AKAP13: variants seen among roughly 807,000 people sequenced by gnomAD.
AKAP13 encodes A-kinase anchor protein 13.
Under a neutral mutation model 264.5 loss-of-function variants are expected in AKAP13, and 80 were observed. The observed-to-expected ratio is 0.30, with a 90% CI of 0.25 to 0.36. The LOEUF (loss-of-function observed/expected upper bound fraction) is 0.36, where lower values mean the gene tolerates loss of function less well. Ranked by LOEUF, AKAP13 falls within the 10% of genes least tolerant of loss-of-function variation. The pLI is 1.00. For synonymous variants in AKAP13, 1,380 were observed against 1,250.2 expected, an observed-to-expected ratio of 1.10 and a Z score of -2.19; for missense variants, 3,712 against 3,435.2, an observed-to-expected ratio of 1.08 and a Z score of -2.01.
At chr15:85,640,641 A>C (rs1450108701) in intron 9 of AKAP13, among the ~76,000 whole-genome samples, 1 of 152,130 alleles carries the variant, frequency 6.6e-6, no homozygotes, top group Non-Finnish European at 1.5e-5. Flanking sequence ...TTTAGCTGAC[A>C]CTTCCCCCAT....
At chr15:85,736,175 T>G in intron 33 of AKAP13, 41 bp downstream of exon 33, 1 of 1,496,716 alleles carries the variant, frequency 6.7e-7, no homozygotes, top group Non-Finnish European at 9.2e-7. Context: ...ATGTGTTTGT[T>G]GTCATTGTCA....
chr15:85,688,979 G>C (rs887500614), intron 16 of AKAP13, among the ~76,000 whole-genome samples: 1 of 152,148 alleles, frequency 6.6e-6, no homozygotes, highest in African/African-American at 2.4e-5. Context: ...GTTCACAAAG[G>C]GAGTGTGGAA....
At chr15:85,461,175 G>A (rs2074496751) in intron 1 of AKAP13, among the ~76,000 whole-genome samples, 1 of 152,042 alleles carries the variant, frequency 6.6e-6, no homozygotes, top group African/African-American at 2.4e-5. Context: ...GAGTGCAGTG[G>A]CATGATCTTG....
chr15:85,597,238 A>G (rs1467844283), intron 8 of AKAP13, among the ~76,000 whole-genome samples: 1 of 152,084 alleles, frequency 6.6e-6, no homozygotes, highest in Non-Finnish European at 1.5e-5. Flanking sequence ...GTGCCCTTTA[A>G]TTTGCAAGAA....
chr15:85,626,920 C>CT (rs1437674817), intron 8 of AKAP13, among the ~76,000 whole-genome samples: 2 of 152,060 alleles, frequency 1.3e-5, no homozygotes, highest in Non-Finnish European at 2.9e-5. Context: ...TATTTTCTAT[C>CT]TTTTTTTGTT....
chr15:85,582,287 A>G (rs755012973), intron 7 of AKAP13, among the ~76,000 whole-genome samples, 180 bp downstream of exon 7: 14 of 152,042 alleles, frequency 9.2e-5, no homozygotes, highest in Non-Finnish European at 2.9e-5. Flanking sequence ...GGTTGGACAG[A>G]TTTTGCTTCC....
At position 85,533,762 on chromosome 15, in the gene AKAP13, C is replaced by G. The variant is rs2077309494; in HGVS notation, c.360C>G (p.Asp120Glu). 1.2e-6 allele frequency: 2 copies of G among 1,614,080 alleles called. No homozygotes were observed. Among genetic ancestry groups the G allele is most frequent in the African/African-American group, 1.3e-5 (1 of 75,034 alleles). Reference sequence around the variant, plus strand: ...CTTTGAACTTTACCCGTTTTCTTGACCAGTCAGGACCCCCATCTGGGGATG... The same window carrying G: ...CTTTGAACTTTACCCGTTTTCTTGAGCAGTCAGGACCCCCATCTGGGGATG... ...QQALNFTRFL[D>E]QSGPPSGDVN... Residue 120 changes from aspartate to glutamate, a missense_variant, in exon 4 of 37, where the codon GAC becomes GAG. Transcript: ENST00000394518.
chr15:85,730,012 G>T (rs573021513), intron 29 of AKAP13, among the ~76,000 whole-genome samples: 1 of 152,106 alleles, frequency 6.6e-6, no homozygotes, highest in Non-Finnish European at 1.5e-5. Context: ...CAGGAGCCCA[G>T]ATAAGAGATT....
At chr15:85,383,659 C>A (rs2070405572) in intron 1 of AKAP13, among the ~76,000 whole-genome samples, 1 of 152,238 alleles carries the variant, frequency 6.6e-6, no homozygotes, top group African/African-American at 2.4e-5. Flanking sequence ...AGTTTATCTT[C>A]TCAGTCACCT....
intron 3 of AKAP13, among the ~76,000 whole-genome samples, chr15:85,524,372 C>A (rs2076942821): frequency 6.6e-6 from 1 of 152,042 alleles, no homozygotes; most frequent in Non-Finnish European, 1.5e-5. Flanking sequence ...GATGGGGTTT[C>A]ACCATGTTGG....
At chr15:85,621,075 C>T (rs1469205678) in intron 8 of AKAP13, among the ~76,000 whole-genome samples, 1 of 152,150 alleles carries the variant, frequency 6.6e-6, no homozygotes, top group African/African-American at 2.4e-5. Context: ...TCATTTTAAG[C>T]AAAGTGGAAA....
intron 8 of AKAP13, among the ~76,000 whole-genome samples, chr15:85,592,660 C>T (rs2079633091): frequency 6.6e-6 from 1 of 152,146 alleles, no homozygotes; most frequent in Non-Finnish European, 1.5e-5. Flanking sequence ...CTAGCATCAA[C>T]CACACAAAAT....
Position 85,718,488 on chromosome 15 carries a change from A to T in AKAP13, c.6001+329A>T, listed in dbSNP as rs1051725016. ...AGTCATTTCTGAGAACTGGGTATAC[A>T]GTCAGTTACGACAGGTGCTGAATCC... On this transcript the variant is annotated intron_variant, in intron 22 of 36. Transcript: ENST00000394518. The surrounding 1 kb of genome is among the most constrained non-coding windows in gnomAD (Gnocchi z 4.9). Among the ~76,000 whole-genome samples the T allele has an allele frequency of 6.6e-6, 1 of 152,242 alleles. No homozygotes were observed. Among genetic ancestry groups the T allele is most frequent in the Non-Finnish European group, 1.5e-5 (1 of 68,026 alleles).
At chr15:85,416,263 G>A (rs372627553) in intron 1 of AKAP13, among the ~76,000 whole-genome samples, 5 of 152,136 alleles carry the variant, frequency 3.3e-5, no homozygotes, top group South Asian at 4.1e-4. Context: ...TCTTGGGGAA[G>A]GAGTTAAAAA....
chr15:85,714,581 A>G (rs1028746572), intron 19 of AKAP13, among the ~76,000 whole-genome samples: 1 of 152,238 alleles, frequency 6.6e-6, no homozygotes, highest in Non-Finnish European at 1.5e-5. Flanking sequence ...CTGAGATTCC[A>G]TATCTAACAG....
At chr15:85,424,174 G>A (rs533788239) in intron 1 of AKAP13, among the ~76,000 whole-genome samples, 6 of 152,338 alleles carry the variant, frequency 3.9e-5, no homozygotes, top group Non-Finnish European at 5.9e-5. Context: ...GTCCTTTGAG[G>A]TTTTGAAGCC....
At chr15:85,412,019 G>C (rs962551781) in intron 1 of AKAP13, among the ~76,000 whole-genome samples, 1 of 152,164 alleles carries the variant, frequency 6.6e-6, no homozygotes, top group South Asian at 2.1e-4. Context: ...TGTGATTTTT[G>C]ATATTGTATA....
chr15:85,696,426 G>A (rs1344543925), intron 17 of AKAP13, among the ~76,000 whole-genome samples: 6 of 152,100 alleles, frequency 3.9e-5, no homozygotes, highest in African/African-American at 7.2e-5. Flanking sequence ...AAGACTGAGC[G>A]AGGCACCCAC....
At chr15:85,454,886 G>A (rs775296990) in intron 1 of AKAP13, among the ~76,000 whole-genome samples, 7 of 152,112 alleles carry the variant, frequency 4.6e-5, no homozygotes, top group Non-Finnish European at 8.8e-5. Context: ...GCAAGAAATT[G>A]ATCCAGATTA....
Sources: gnomAD v4.1 joint callset for allele counts (sites outside exome capture counted in the v4.1 genomes callset) on GRCh38, gnomAD v4.1.1 for gene constraint, Gnocchi (gnomAD v3.1) non-coding constraint, MANE v1.5 for transcripts, NCBI Gene and HGNC (gene_info 2026-07-23, HGNC 2026-07-21) for gene names.